Variants in RBM15B observed in about 807,000 individuals in gnomAD.
RBM15B encodes putative RNA-binding protein 15B.
RBM15B carries 11 observed loss-of-function variants against 53.3 expected under a neutral mutation model. The ratio of observed to expected loss-of-function variants is 0.21; its 90% confidence interval spans 0.13 to 0.34. The LOEUF is 0.34. RBM15B is among the 10% of genes least tolerant of loss of function. RBM15B has a pLI of 1.00. For missense variants in RBM15B, 1,136 were observed against 1,250.3 expected (o/e 0.91, Z 1.38); for synonymous variants, 631 against 540.7 (o/e 1.17, Z -2.32).
Position 51,393,190 on chromosome 3 carries a change from A to G in RBM15B, c.1791A>G (p.Arg597=). The change falls in exon 1 of 1, where the codon AGA becomes AGG. Residue 597 remains arginine (R), a synonymous_variant. Transcript: ENST00000563281. The surrounding 1 kb of genome is among the most constrained non-coding windows in gnomAD (Gnocchi z 5.6). ...CCTGGGAAGAGAGGCGGAAACGGAG[A>G]AGCCTTTCCAGTGACCGTGGGAGGA... ...PKPWEERRKR[R]SLSSDRGRTT... The G allele has an allele frequency of 6.2e-7, 1 of 1,613,920 alleles. No homozygotes were observed. The highest frequency in any genetic ancestry group is 8.5e-7 in the Non-Finnish European group (1 of 1,179,882).
Position 51,391,504 on chromosome 3 carries a change from G to A in RBM15B, c.105G>A (p.Arg35=). The change falls in exon 1 of 1, where the codon CGG becomes CGA. Residue 35 remains arginine, a synonymous_variant. Transcript: ENST00000563281. This position sits in a 1 kb window ranked among gnomAD's most constrained non-coding sequence, Gnocchi z 4.5. The stretch of plus-strand genomic sequence containing the variant: ...AACGGGAGGCGGAGGCGGGCGGGCG[G>A]CGGGCGGCGCACAAGGCCTCTGGCG... The part of the protein sequence containing the change: ...EREREAEAGG[R]RAAHKASGGA... The A allele has an allele frequency of 3.3e-6, 4 of 1,221,106 alleles. No homozygotes were observed. Among genetic ancestry groups the A allele is most frequent in the Non-Finnish European group, 4.1e-6 (4 of 981,254 alleles). 75.6% of individuals were successfully genotyped at this position (1,221,106 alleles called of 1,614,324 possible).
At position 51,392,267 on chromosome 3, in the gene RBM15B, G is replaced by C. The variant is rs2089050988; in HGVS notation, c.868G>C (p.Ala290Pro). ...RHAAAAFALD[A>P]AAAAAVGLSR... ...CGCCGCCGCAGCCTTCGCCCTGGATGCCGCTGCTGCCGCCGCCGTGGGACT... is the reference window on the plus strand; with the variant it reads ...CGCCGCCGCAGCCTTCGCCCTGGATCCCGCTGCTGCCGCCGCCGTGGGACT... The change falls in exon 1 of 1, where the codon GCC becomes CCC. Residue 290 changes from alanine to proline, a missense_variant. Transcript: ENST00000563281. This position sits in a 1 kb window ranked among gnomAD's most constrained non-coding sequence, Gnocchi z 7.5. The C allele has an allele frequency of 6.2e-6, 10 of 1,601,064 alleles. No homozygotes were observed. Among genetic ancestry groups the C allele is most frequent in the Non-Finnish European group, 8.5e-6 (10 of 1,177,066 alleles).
In RBM15B at chr3:51,396,135, C is replaced by G. The variant is rs1577024090; in HGVS notation, c.*2063C>G. 5 of 402,728 alleles carry G rather than the reference C, an allele frequency of 1.2e-5. No homozygotes were observed. The East Asian group carries it at 1.5e-4, about 12-fold the overall frequency. 24.9% of individuals were successfully genotyped at this position (402,728 alleles called of 1,614,324 possible). The stretch of plus-strand genomic sequence containing the variant: ...GTCCAAAACTTCTTCTCTGGGCTAC[C>G]TATCTTCCTTCATGAAGCAGGTGCT... On this transcript the variant is annotated 3_prime_UTR_variant, in exon 1 of 1. Transcript: ENST00000563281.
chr3:51,391,335 G>GGCCGCCGCCTCCGCC lies in RBM15B; in HGVS notation c.-56_-42dup. On this transcript the variant is annotated 5_prime_UTR_variant, in exon 1 of 1. Coordinates refer to ENST00000563281, the MANE Select transcript of RBM15B (RefSeq NM_013286.5). This position sits in a 1 kb window ranked among gnomAD's most constrained non-coding sequence, Gnocchi z 4.5. ...GCGGCGCCGGGGGCGCTGCCTCCTC[G>GGCCGCCGCCTCCGCC]GCCGCCGCCTCCGCCGCCGCCGCTG... The GGCCGCCGCCTCCGCC allele has an allele frequency of 2.6e-6, 3 of 1,166,840 alleles. No homozygotes were observed. The highest frequency in any genetic ancestry group is 4.1e-5 in the South Asian group (1 of 24,390). 72.3% of individuals were successfully genotyped at this position (1,166,840 alleles called of 1,614,324 possible).
rs782312160 is a variant in RBM15B, at chr3:51,392,970, A to C, written c.1571A>C (p.Asp524Ala). The C allele has an allele frequency of 6.2e-7, 1 of 1,613,678 alleles. No individual in the cohort carries two copies. ...GGATACACCCGGCACCGCAACCTGG[A>C]CGCCGACCTGGTGCGGGACAGGACG... The part of the protein sequence containing the change: ...TDGYTRHRNL[D>A]ADLVRDRTPP... Residue 524 changes from aspartate (D) to alanine (A), a missense_variant, in exon 1 of 1, where the codon GAC (aspartate) becomes GCC (alanine). Physicochemically the swap from Asp to Ala is moderately radical, Grantham distance 126. Transcript: ENST00000563281. The surrounding 1 kb of genome is among the most constrained non-coding windows in gnomAD (Gnocchi z 7.5).
In RBM15B at chr3:51,396,157, T is replaced by TG; in HGVS notation, c.*2086dup. On this transcript the variant is annotated 3_prime_UTR_variant, in exon 1 of 1. Coordinates refer to ENST00000563281, the MANE Select transcript of RBM15B (RefSeq NM_013286.5). Reference sequence around the variant, plus strand: ...TACCTATCTTCCTTCATGAAGCAGGTGCTCAGGACCCGGAAGAATCATCTA... The same window carrying TG: ...TACCTATCTTCCTTCATGAAGCAGGTGGCTCAGGACCCGGAAGAATCATCTA... 2.5e-6 allele frequency: 1 copy of TG among 392,748 alleles called. No homozygotes were observed. Among genetic ancestry groups the TG allele is most frequent in the Admixed American group, 4.5e-5 (1 of 22,038 alleles). 24.3% of individuals were successfully genotyped at this position (392,748 alleles called of 1,614,324 possible).
Position 51,396,303 on chromosome 3 carries a change from CA to C in RBM15B, c.*2236del. On this transcript the variant is annotated 3_prime_UTR_variant, in exon 1 of 1. Transcript: ENST00000563281. ...TTCAGAGAAAGGTGTCCCATGGCCCCAAAAAGAACTGCCAAGTTTTGGTGAG... is the reference window on the plus strand; with the variant it reads ...TTCAGAGAAAGGTGTCCCATGGCCCCAAAAGAACTGCCAAGTTTTGGTGAG... 1 of 185,668 alleles carries C rather than the reference CA, an allele frequency of 5.4e-6. No individual in the cohort carries two copies. Among genetic ancestry groups the C allele is most frequent in the Non-Finnish European group, 1.2e-5 (1 of 80,678 alleles). The allele number at this position is 185,668 out of a possible 1,614,324, so 11.5% of individuals were successfully genotyped here.
At position 51,391,549 on chromosome 3, in the gene RBM15B, A is replaced by C; in HGVS notation, c.150A>C (p.Pro50=). The C allele has an allele frequency of 8.5e-7, 1 of 1,179,700 alleles. No homozygotes were observed. The highest frequency in any genetic ancestry group is 1.0e-6 in the Non-Finnish European group (1 of 954,808). The allele number at this position is 1,179,700 out of a possible 1,614,324, so 73.1% of individuals were successfully genotyped here. A position where few individuals can be genotyped will look rare whatever the true frequency, so the allele number is the denominator to read the frequency against. The change falls in exon 1 of 1, where the codon CCA becomes CCC. Residue 50 remains proline, a synonymous_variant. Coordinates refer to ENST00000563281, the MANE Select transcript of RBM15B (RefSeq NM_013286.5). This position sits in a 1 kb window ranked among gnomAD's most constrained non-coding sequence, Gnocchi z 4.5. ...KASGGAKHPV[P]ARARDKPRGS... is the part of the protein sequence containing the mutation. Reference sequence around the variant, plus strand: ...CTGGCGGCGCCAAGCACCCGGTTCCAGCGCGGGCCCGCGACAAACCCCGCG... The same window carrying C: ...CTGGCGGCGCCAAGCACCCGGTTCCCGCGCGGGCCCGCGACAAACCCCGCG...
In RBM15B at chr3:51,391,941, G is replaced by T; in HGVS notation, c.542G>T (p.Arg181Leu). The T allele has an allele frequency of 6.2e-7, 1 of 1,602,188 alleles. No individual in the cohort carries two copies. Among genetic ancestry groups the T allele is most frequent in the Non-Finnish European group, 8.5e-7 (1 of 1,178,972 alleles). ...CTGTCGCACACGCCTGAGCTGGGCC[G>T]TGTGGCCTACGTGAATTTCCGGCAC... ...LRLSHTPELG[R>L]VAYVNFRHPQ... Residue 181 changes from arginine (R) to leucine (L), a missense_variant, in exon 1 of 1, where the codon CGT becomes CTT. Around this residue, in one of 7 missense-constraint regions of RBM15B, gnomAD observed 12 missense variants for 35.8 expected, o/e 0.34. Transcript: ENST00000563281. The surrounding 1 kb of genome is among the most constrained non-coding windows in gnomAD (Gnocchi z 4.5).
In RBM15B at chr3:51,394,248, A is replaced by ATT; in HGVS notation, c.*186_*187dup. ...AAACTAAGTTCTTAGATTTTGGGGG[A>ATT]TTTTTTTTTTTAAACGATGAGAAGG... On this transcript the variant is annotated 3_prime_UTR_variant, in exon 1 of 1. Transcript: ENST00000563281. 2.2e-5 allele frequency: 18 copies of ATT among 800,524 alleles called. No homozygotes were observed. The highest frequency in any genetic ancestry group is 3.0e-5 in the Non-Finnish European group (18 of 601,840). The allele number at this position is 800,524 out of a possible 1,614,324, so 49.6% of individuals were successfully genotyped here.
In RBM15B at chr3:51,393,759, G is replaced by A. The variant is rs782608570; in HGVS notation, c.2360G>A (p.Ser787Asn). ...DEVTRRIKQG[S>N]PNGYAVLLAT... Reference sequence around the variant, plus strand: ...GTCACACGACGCATCAAGCAGGGGAGCCCCAACGGCTATGCGGTCCTCTTA... The same window carrying A: ...GTCACACGACGCATCAAGCAGGGGAACCCCAACGGCTATGCGGTCCTCTTA... Residue 787 changes from serine to asparagine, a missense_variant, in exon 1 of 1, where the codon AGC (serine) becomes AAC (asparagine). Coordinates refer to ENST00000563281, the MANE Select transcript of RBM15B (RefSeq NM_013286.5). This position sits in a 1 kb window ranked among gnomAD's most constrained non-coding sequence, Gnocchi z 5.6. 2.1e-5 allele frequency: 34 copies of A among 1,613,750 alleles called. No homozygotes were observed. The highest frequency in any genetic ancestry group is 2.8e-5 in the Non-Finnish European group (33 of 1,180,034).
rs530511209 is a variant in RBM15B at position 51,392,446 on chromosome 3, T to A, written c.1047T>A (p.Ser349=). Residue 349 remains serine (S), a synonymous_variant, in exon 1 of 1, where the codon TCT becomes TCA. Coordinates refer to ENST00000563281, the MANE Select transcript of RBM15B (RefSeq NM_013286.5). The surrounding 1 kb of genome is among the most constrained non-coding windows in gnomAD (Gnocchi z 7.5). The stretch of plus-strand genomic sequence containing the variant: ...TTGGTAACCTGGACCACAGCGTATC[T>A]GAGGTGGAGCTGCGAAGGGCCTTCG... The part of the protein sequence containing the change: ...LFIGNLDHSV[S]EVELRRAFEK... 10 of 1,613,968 alleles carry A rather than the reference T, an allele frequency of 6.2e-6. No homozygotes were observed. The East Asian group carries it at 2.2e-4, about 36-fold the overall frequency.
rs2089035623 is a variant in RBM15B at position 51,391,491 on chromosome 3, A to AGGCG, written c.102_105dup (p.Arg36AlafsTer48). The AGGCG allele has an allele frequency of 2.5e-6, 3 of 1,209,174 alleles. No individual in the cohort carries two copies. The highest frequency in any genetic ancestry group is 3.1e-6 in the Non-Finnish European group (3 of 973,670). 74.9% of individuals were successfully genotyped at this position (1,209,174 alleles called of 1,614,324 possible). On this transcript the variant is annotated frameshift_variant, in exon 1 of 1. Transcript: ENST00000563281. LOFTEE classifies it high-confidence loss of function. This position sits in a 1 kb window ranked among gnomAD's most constrained non-coding sequence, Gnocchi z 4.5. ...CCGCGGGAGCGCGAACGGGAGGCGG[A>AGGCG]GGCGGGCGGGCGGCGGGCGGCGCAC...
In RBM15B at chr3:51,391,747, G is replaced by A. The variant is rs1559454749; in HGVS notation, c.348G>A (p.Pro116=). 1.9e-6 allele frequency: 3 copies of A among 1,543,524 alleles called. No homozygotes were observed. The highest frequency in any genetic ancestry group is 2.3e-5 in the South Asian group (2 of 85,654). The change falls in exon 1 of 1, where the codon CCG becomes CCA. Residue 116 remains proline, a synonymous_variant. Transcript: ENST00000563281. The surrounding 1 kb of genome is among the most constrained non-coding windows in gnomAD (Gnocchi z 4.5). ...SGMSPRASPL[P]PPPPPPGAEP... The stretch of plus-strand genomic sequence containing the variant: ...TGTCGCCCCGCGCGTCTCCTCTGCC[G>A]CCGCCTCCGCCACCGCCTGGGGCCG...
At position 51,395,705 on chromosome 3, in the gene RBM15B, G is replaced by C. The variant is rs2089156239; in HGVS notation, c.*1633G>C. On this transcript the variant is annotated 3_prime_UTR_variant, in exon 1 of 1. Transcript: ENST00000563281. Reference sequence around the variant, plus strand: ...CCGGAGCTAGGATAAGGTAGCATGAGTGACACCTGAGATTAGAGGCTGGGG... The same window carrying C: ...CCGGAGCTAGGATAAGGTAGCATGACTGACACCTGAGATTAGAGGCTGGGG... The C allele has an allele frequency of 4.8e-6, 2 of 412,496 alleles. No individual in the cohort carries two copies. Among genetic ancestry groups the C allele is most frequent in the Non-Finnish European group, 8.9e-6 (2 of 225,858 alleles). The allele number at this position is 412,496 out of a possible 1,614,324, so 25.6% of individuals were successfully genotyped here.
chr3:51,391,291 A>C lies in RBM15B; in HGVS notation c.-109A>C, dbSNP rs1553621454. 3.7e-6 allele frequency: 3 copies of C among 806,800 alleles called. No individual in the cohort carries two copies. The highest frequency in any genetic ancestry group is 1.8e-5 in the African/African-American group (1 of 55,644). The allele number at this position is 806,800 out of a possible 1,614,324, so 50.0% of individuals were successfully genotyped here. A position where few individuals can be genotyped will look rare whatever the true frequency, so the allele number is the denominator to read the frequency against. ...CCGCCCCGCCGCCACCGCCGCGCCG[A>C]GTCCTTTTGTCCAAGATGGCGGCGC... On this transcript the variant is annotated 5_prime_UTR_variant, in exon 1 of 1. Transcript: ENST00000563281. This position sits in a 1 kb window ranked among gnomAD's most constrained non-coding sequence, Gnocchi z 4.5.
Position 51,397,338 on chromosome 3 carries a change from CTG to C in RBM15B, c.*3267_*3268del, listed in dbSNP as rs2089265832. 6.0e-6 allele frequency: 1 copy of C among 167,090 alleles called. No homozygotes were observed. Among genetic ancestry groups the C allele is most frequent in the African/African-American group, 2.4e-5 (1 of 41,438 alleles). 10.4% of individuals were successfully genotyped at this position (167,090 alleles called of 1,614,324 possible). ...AACCATAGGCCAATTTTAGGGGCCTCTGAAGTATCTTTCTACAAACGCAGACA... is the reference window on the plus strand; with the variant it reads ...AACCATAGGCCAATTTTAGGGGCCTCAAGTATCTTTCTACAAACGCAGACA... On this transcript the variant is annotated 3_prime_UTR_variant, in exon 1 of 1. Coordinates refer to ENST00000563281, the MANE Select transcript of RBM15B (RefSeq NM_013286.5).
chr3:51,391,813 C>G lies in RBM15B; in HGVS notation c.414C>G (p.Tyr138Ter). Residue 138 changes from tyrosine to a stop codon, truncating the protein, a stop_gained, in exon 1 of 1, where the codon TAC (tyrosine) becomes TAG (stop). Coordinates refer to ENST00000563281, the MANE Select transcript of RBM15B (RefSeq NM_013286.5). LOFTEE classifies it high-confidence loss of function. This position sits in a 1 kb window ranked among gnomAD's most constrained non-coding sequence, Gnocchi z 4.5. ...CPGSSAAAPEYKTLLISSLSP... is the reference protein window; with the variant it reads ...CPGSSAAAPE ...GCTCATCCGCGGCCGCGCCTGAGTACAAGACGTTGCTCATCAGCAGCTTGA... is the reference window on the plus strand; with the variant it reads ...GCTCATCCGCGGCCGCGCCTGAGTAGAAGACGTTGCTCATCAGCAGCTTGA... 6.2e-7 allele frequency: 1 copy of G among 1,600,276 alleles called. No individual in the cohort carries two copies. The highest frequency in any genetic ancestry group is 8.5e-7 in the Non-Finnish European group (1 of 1,179,058).
Position 51,394,069 on chromosome 3 carries a change from C to T in RBM15B, c.2670C>T (p.Ala890=), listed in dbSNP as rs145064632. The change falls in exon 1 of 1, where the codon GCC becomes GCT. Residue 890 remains alanine, a synonymous_variant. Transcript: ENST00000563281. The part of the protein sequence containing the change: ...HMVIVIVRDT[A] ...TGATAGTCATCGTCAGAGACACTGCCTAGCCCAAGCCTGTCTTTCCCAGCG... is the reference window on the plus strand; with the variant it reads ...TGATAGTCATCGTCAGAGACACTGCTTAGCCCAAGCCTGTCTTTCCCAGCG... 5 of 1,444,742 alleles carry T rather than the reference C, an allele frequency of 3.5e-6. No individual in the cohort carries two copies. The highest frequency in any genetic ancestry group is 4.6e-6 in the Non-Finnish European group (5 of 1,096,672). The allele number at this position is 1,444,742 out of a possible 1,614,324, so 89.5% of individuals were successfully genotyped here. A position where few individuals can be genotyped will look rare whatever the true frequency, so the allele number is the denominator to read the frequency against.
Sources: allele counts gnomAD v4.1 joint callset, GRCh38; gene constraint gnomAD v4.1.1; regional missense constraint gnomAD v4.1.1; non-coding constraint Gnocchi (gnomAD v3.1); transcripts MANE v1.5; gene names NCBI Gene and HGNC (gene_info 2026-07-23, HGNC 2026-07-21).